DACH2: variants seen among roughly 807,000 people sequenced by gnomAD.
The protein encoded by DACH2 is dachshund family transcription factor 2, also known as dachshund homolog 2.
A neutral mutation model predicts 35.8 loss-of-function variants in DACH2; 17 were observed. That is an observed-to-expected ratio of 0.48 (90% CI 0.33 to 0.71). The LOEUF (loss-of-function observed/expected upper bound fraction) is 0.71. Among genes scored for constraint, DACH2 ranks in the 30% least tolerant of loss-of-function variants. The probability of loss-of-function intolerance (pLI) is 0.02; values close to 1 mark genes in which losing one functional copy is unlikely to be tolerated. For missense variants in DACH2, 469 were observed against 472.7 expected, an observed-to-expected ratio of 0.99 and a Z score of 0.07; for synonymous variants, 195 against 177.3, an observed-to-expected ratio of 1.10 and a Z score of -0.79.
intron 1 of DACH2, among the ~76,000 whole-genome samples, chrX:86,253,462 G>A (rs190764680): frequency 1.3e-3 from 150 of 111,727 alleles, no homozygotes; most frequent in African/African-American, 4.7e-3. Flanking sequence ...TTATCAATAC[G>A]TATTGCCTTT....
intron 1 of DACH2, among the ~76,000 whole-genome samples, chrX:86,335,044 G>T (rs1019721908): frequency 1.8e-5 from 2 of 111,639 alleles, no homozygotes; most frequent in Non-Finnish European, 3.8e-5. Flanking sequence ...GTTTTGATCA[G>T]GTTTGTCAAA....
chrX:86,604,669 C>CT (rs2148361741), intron 3 of DACH2, among the ~76,000 whole-genome samples: 1 of 111,517 alleles, frequency 9.0e-6, no homozygotes, highest in South Asian at 3.7e-4. Context: ...ATTAAAATGA[C>CT]TTACCAGCTG....
intron 6 of DACH2, among the ~76,000 whole-genome samples, chrX:86,730,406 T>C (rs1416944626): frequency 8.9e-6 from 1 of 112,125 alleles, no homozygotes; most frequent in East Asian, 2.8e-4. Flanking sequence ...AATTTATATT[T>C]AAATTATAGT....
intron 3 of DACH2, among the ~76,000 whole-genome samples, chrX:86,604,045 G>A (rs1324812209): frequency 9.1e-6 from 1 of 110,462 alleles, no homozygotes; most frequent in Non-Finnish European, 1.9e-5. Context: ...GGTTTCTTTA[G>A]TGGCTCAGAA....
chrX:86,595,523 G>T (rs2039700383), intron 3 of DACH2, among the ~76,000 whole-genome samples: 1 of 111,062 alleles, frequency 9.0e-6, no homozygotes. Context: ...TTGTAAAAAA[G>T]CAAGAGTTGG....
chrX:86,767,553 T>C (rs1337760714), intron 7 of DACH2, among the ~76,000 whole-genome samples: 2 of 112,013 alleles, frequency 1.8e-5, no homozygotes, highest in Admixed American at 9.5e-5. Flanking sequence ...ATTAACCAAA[T>C]TATAGAGTGA....
At chrX:86,347,848 C>T (rs2035523325) in intron 1 of DACH2, among the ~76,000 whole-genome samples, 1 of 112,044 alleles carries the variant, frequency 8.9e-6, no homozygotes, top group Non-Finnish European at 1.9e-5. Flanking sequence ...ACTAGTATTT[C>T]ATGCTTTTTT....
chrX:86,225,825 T>A (rs16980456), intron 1 of DACH2, among the ~76,000 whole-genome samples: 8,429 of 111,202 alleles, frequency 0.076, 798 homozygotes, highest in African/African-American at 0.26. Context: ...CCATACTCTG[T>A]CTCTTTTTGT....
rs1005437116 is a variant in DACH2, at chrX:86,628,524, C to T, written c.641-22512C>T. ...GTCTTTCTTGATGTTATGAATTACACGTTTAATTATCATAAATATGTTGCA... is the reference window on the plus strand; with the variant it reads ...GTCTTTCTTGATGTTATGAATTACATGTTTAATTATCATAAATATGTTGCA... On this transcript the variant is annotated intron_variant, in intron 3 of 11. Coordinates refer to ENST00000373125, the MANE Select transcript of DACH2 (RefSeq NM_053281.3). 3.6e-5 allele frequency among the ~76,000 whole-genome samples: 4 copies of T among 112,530 alleles called. No individual in the cohort carries two copies. In the South Asian group the frequency reaches 1.1e-3, roughly 31 times the overall value.
chrX:86,337,139 T>C (rs1329320202), intron 1 of DACH2, among the ~76,000 whole-genome samples: 1 of 111,029 alleles, frequency 9.0e-6, no homozygotes, highest in Non-Finnish European at 1.9e-5. Context: ...TGGAACCAAG[T>C]TGGAAAAGAC....
At chrX:86,317,935 A>G (rs904746400) in intron 1 of DACH2, among the ~76,000 whole-genome samples, 3 of 111,473 alleles carry the variant, frequency 2.7e-5, no homozygotes, top group South Asian at 3.8e-4. Flanking sequence ...AGGGGCTTTT[A>G]TTGGCTTTGC....
chrX:86,283,472 C>G (rs1315229626), intron 1 of DACH2, among the ~76,000 whole-genome samples: 34 of 111,325 alleles, frequency 3.1e-4, no homozygotes, highest in African/African-American at 1.1e-3. Context: ...AGACTCAGAA[C>G]CAACCCAAAT....
intron 3 of DACH2, among the ~76,000 whole-genome samples, chrX:86,569,563 T>C (rs1001653325): frequency 1.8e-5 from 2 of 111,258 alleles, no homozygotes; most frequent in African/African-American, 6.5e-5. Context: ...AAATGCGACT[T>C]AAACTCGGCA....
chrX:86,311,987 C>T (rs2034810738), intron 1 of DACH2, among the ~76,000 whole-genome samples: 1 of 110,998 alleles, frequency 9.0e-6, no homozygotes, highest in African/African-American at 3.3e-5. Flanking sequence ...TACAAATGAT[C>T]CAGACCCTTC....
intron 1 of DACH2, among the ~76,000 whole-genome samples, chrX:86,198,238 C>G (rs1405875116): frequency 8.9e-6 from 1 of 111,819 alleles, no homozygotes; most frequent in African/African-American, 3.3e-5. Context: ...TACAACATAC[C>G]AGAATCTCTG....
At chrX:86,556,289 A>G (rs1870584325) in intron 3 of DACH2, among the ~76,000 whole-genome samples, 1 of 111,139 alleles carries the variant, frequency 9.0e-6, no homozygotes, top group Admixed American at 9.7e-5. Context: ...CTGTTCTGGA[A>G]TAAGAGTGCT....
At chrX:86,812,100 A>C (rs2042399835) in intron 7 of DACH2, among the ~76,000 whole-genome samples, 1 of 112,079 alleles carries the variant, frequency 8.9e-6, no homozygotes, top group Non-Finnish European at 1.9e-5. Flanking sequence ...TAGTATATTC[A>C]TGAAACAAAA....
intron 1 of DACH2, among the ~76,000 whole-genome samples, chrX:86,185,881 C>T (rs1270436536): frequency 1.8e-5 from 2 of 111,972 alleles, no homozygotes; most frequent in Non-Finnish European, 3.8e-5. Flanking sequence ...AGAAGCCTGC[C>T]ATCTTTATAT....
chrX:86,793,876 T>G (rs766349047), intron 7 of DACH2, among the ~76,000 whole-genome samples: 2 of 112,193 alleles, frequency 1.8e-5, no homozygotes, highest in Non-Finnish European at 3.8e-5. Context: ...ATGGTAACAT[T>G]GCAAGTTGGA....
Sources: allele counts gnomAD v4.1 joint callset (sites outside exome capture counted in the v4.1 genomes callset), GRCh38; gene constraint gnomAD v4.1.1; transcripts MANE v1.5; gene names NCBI Gene and HGNC (gene_info 2026-07-23, HGNC 2026-07-21).